The following ZNF555 variants were observed in gnomAD, a reference collection of about 807,000 sequenced individuals.
ZNF555 encodes the protein zinc finger protein 555.
Under a neutral mutation model 14.0 loss-of-function variants are expected in ZNF555, and 10 were observed. The observed-to-expected ratio is 0.72, with a 90% CI of 0.44 to 1.21. The LOEUF (loss-of-function observed/expected upper bound fraction) is 1.21. ZNF555 is among the 50% of genes most tolerant of loss of function. The pLI is 0.00. For missense variants in ZNF555, 747 were observed against 762.0 expected, an observed-to-expected ratio of 0.98 and a Z score of 0.23; for synonymous variants, 277 against 262.4, an observed-to-expected ratio of 1.06 and a Z score of -0.54.
At position 2,852,461 on chromosome 19, in the gene ZNF555, G is replaced by A. The variant is rs760969954; in HGVS notation, c.396G>A (p.Leu132=). 3.7e-6 allele frequency: 6 copies of A among 1,614,032 alleles called. No homozygotes were observed. The highest frequency in any genetic ancestry group is 2.2e-5 in the South Asian group (2 of 91,094). ...EALSQIPHLN[L]YKKIPPGVKQ... ...TCAGCCAGATTCCACATCTTAATCT[G>A]TACAAGAAAATTCCACCTGGAGTAA... Residue 132 remains leucine, a synonymous_variant, in exon 4 of 4, where the codon CTG becomes CTA. Coordinates refer to ENST00000334241, the MANE Select transcript of ZNF555 (RefSeq NM_152791.5).
At position 2,846,402 on chromosome 19, in the gene ZNF555, C is replaced by T. The variant is rs576313496; in HGVS notation, c.4-4185C>T. On this transcript the variant is annotated intron_variant, in intron 1 of 3. Coordinates refer to ENST00000334241, the MANE Select transcript of ZNF555 (RefSeq NM_152791.5). ...TCAGACAGTTCCATCCAAGGTCAAG[C>T]CAGTCCTTCACTGTGGGCAACTGAG... Among the ~76,000 whole-genome samples, 29 of 152,330 alleles carry T rather than the reference C, an allele frequency of 1.9e-4. No homozygotes were observed. The South Asian group carries it at 4.8e-3, about 25-fold the overall frequency.
In ZNF555 at chr19:2,855,624, C is replaced by T. The variant is rs553672916; in HGVS notation, c.*1672C>T. On this transcript the variant is annotated 3_prime_UTR_variant, in exon 4 of 4. Coordinates refer to ENST00000334241, the MANE Select transcript of ZNF555 (RefSeq NM_152791.5). ...GTTGTTTAGAGACTATATTAATTTCCCAGGGCTGCCATAACAAAGTACAAA... is the reference window on the plus strand; with the variant it reads ...GTTGTTTAGAGACTATATTAATTTCTCAGGGCTGCCATAACAAAGTACAAA... 2.6e-5 allele frequency: 4 copies of T among 152,180 alleles called. No individual in the cohort carries two copies. In the South Asian group the frequency reaches 8.3e-4, roughly 32 times the overall value. 9.4% of individuals were successfully genotyped at this position (152,180 alleles called of 1,614,324 possible). A position where few individuals can be genotyped will look rare whatever the true frequency, so the allele number is the denominator to read the frequency against.
intron 1 of ZNF555, among the ~76,000 whole-genome samples, chr19:2,848,253 G>A (rs1453830515): frequency 2.0e-5 from 3 of 151,580 alleles, no homozygotes; most frequent in South Asian, 2.1e-4. Flanking sequence ...CCGGGTTCAC[G>A]CCATTCTCCT....
rs200759543 is a variant in ZNF555, at chr19:2,857,841, CAAAAA to C, written c.*3894_*3898del. 1 of 149,184 alleles carries C rather than the reference CAAAAA, an allele frequency of 6.7e-6. No homozygotes were observed. The highest frequency in any genetic ancestry group is 1.9e-4 in the East Asian group (1 of 5,142). The allele number at this position is 149,184 out of a possible 1,614,324, so 9.2% of individuals were successfully genotyped here. ...TGGGCGACAGAGCAAGACCCTGTCT[CAAAAA>C]AAAAGGAATACAAAACATTCCTGAA... On this transcript the variant is annotated 3_prime_UTR_variant, in exon 4 of 4. Coordinates refer to ENST00000334241, the MANE Select transcript of ZNF555 (RefSeq NM_152791.5).
rs2087534847 is a variant in ZNF555, at chr19:2,841,494, C to T, written c.-79C>T. ...GCCTCTGTCCTAGCCGTGAGTGCCC[C>T]GCCTGCCCCTAGCGGTCCCTGGCGT... On this transcript the variant is annotated 5_prime_UTR_variant, in exon 1 of 4. Coordinates refer to ENST00000334241, the MANE Select transcript of ZNF555 (RefSeq NM_152791.5). 3 of 1,542,464 alleles carry T rather than the reference C, an allele frequency of 1.9e-6. No homozygotes were observed. The highest frequency in any genetic ancestry group is 2.6e-6 in the Non-Finnish European group (3 of 1,142,506).
At chr19:2,849,983 CGT>C in intron 1 of ZNF555, among the ~76,000 whole-genome samples, 1 of 152,278 alleles carries the variant, frequency 6.6e-6, no homozygotes, top group South Asian at 2.1e-4. Context: ...TCTACGTTCT[CGT>C]GTCTTTTTCC....
intron 1 of ZNF555, 88 bp downstream of exon 1, chr19:2,841,663 G>A (rs2144839229): frequency 1.5e-6 from 2 of 1,375,206 alleles, no homozygotes; most frequent in African/African-American, 3.1e-5. Context: ...GCTGAGGGAC[G>A]CGGGGGGCGG....
chr19:2,845,057 G>T (rs755830313), intron 1 of ZNF555, among the ~76,000 whole-genome samples: 3 of 152,126 alleles, frequency 2.0e-5, no homozygotes, highest in Non-Finnish European at 4.4e-5. Context: ...GGCTTCCATT[G>T]AGCTTGTCAC....
intron 1 of ZNF555, among the ~76,000 whole-genome samples, chr19:2,846,466 G>A (rs1314789060): frequency 1.3e-5 from 2 of 152,160 alleles, no homozygotes; most frequent in South Asian, 2.1e-4. Context: ...GATGTTTTTC[G>A]TAGTTCAGGG....
At chr19:2,851,323 T>C in intron 2 of ZNF555, 145 bp from the exon 3 acceptor site, 1 of 562,216 alleles carries the variant, frequency 1.8e-6, no homozygotes, top group East Asian at 3.3e-5. Context: ...ATAATTTTTC[T>C]ATGCTTACTA....
Position 2,854,162 on chromosome 19 carries a change from G to T in ZNF555, c.*210G>T. On this transcript the variant is annotated 3_prime_UTR_variant, in exon 4 of 4. Transcript: ENST00000334241. ...AAGTGTATTTTTAATATGCAAGTAG[G>T]TTCAAGTTTTATTTAATTTCTTAAA... 3.5e-6 allele frequency: 2 copies of T among 572,344 alleles called. No homozygotes were observed. The highest frequency in any genetic ancestry group is 5.9e-6 in the Non-Finnish European group (2 of 336,214). 35.5% of individuals were successfully genotyped at this position (572,344 alleles called of 1,614,324 possible).
At chr19:2,843,003 A>G (rs1193750380) in intron 1 of ZNF555, among the ~76,000 whole-genome samples, 1 of 151,178 alleles carries the variant, frequency 6.6e-6, no homozygotes, top group Non-Finnish European at 1.5e-5. Context: ...AGAACGCGCC[A>G]TTGCACTCCA....
At chr19:2,849,690 G>A (rs2087612690) in intron 1 of ZNF555, among the ~76,000 whole-genome samples, 1 of 150,002 alleles carries the variant, frequency 6.7e-6, no homozygotes, top group African/African-American at 2.5e-5. Context: ...GTTTCACCAT[G>A]TTGGCCAGGC....
chr19:2,844,807 C>G (rs925350314), intron 1 of ZNF555, among the ~76,000 whole-genome samples: 3 of 152,180 alleles, frequency 2.0e-5, no homozygotes, highest in Non-Finnish European at 4.4e-5. Context: ...GCGTCCACCC[C>G]CTAGCCCACT....
In ZNF555 at chr19:2,852,371, C is replaced by T; in HGVS notation, c.315-9C>T. On this transcript the variant is annotated splice_polypyrimidine_tract_variant and intron_variant, in intron 3 of 3. Coordinates refer to ENST00000334241, the MANE Select transcript of ZNF555 (RefSeq NM_152791.5). ...TTAATCAAACCAATAACATGCTTCT[C>T]ATTTTTAGTAGAAATCATGGGTTGG... 1 of 1,613,748 alleles carries T rather than the reference C, an allele frequency of 6.2e-7. No individual in the cohort carries two copies. Among genetic ancestry groups the T allele is most frequent in the Middle Eastern group, 1.6e-4 (1 of 6,062 alleles).
intron 2 of ZNF555, 23 bp from the exon 3 acceptor site, chr19:2,851,445 A>ATTTG: frequency 6.4e-7 from 1 of 1,551,604 alleles, no homozygotes; most frequent in Non-Finnish European, 8.7e-7. Flanking sequence ...TTCTTATATG[A>ATTTG]TTTGTTTACT....
At chr19:2,845,806 C>T (rs1291496128) in intron 1 of ZNF555, among the ~76,000 whole-genome samples, 1 of 146,934 alleles carries the variant, frequency 6.8e-6, no homozygotes, top group East Asian at 1.9e-4. Context: ...TCCCCCGTTA[C>T]TATTTTTTTA....
At position 2,851,568 on chromosome 19, in the gene ZNF555, T is replaced by G. The variant is rs765073541; in HGVS notation, c.231T>G (p.Asn77Lys). The stretch of plus-strand genomic sequence containing the variant: ...CTAAAATAGCCACGTTCACCAGAAA[T>G]GTTTCCTGGGCCTCTGTTTTAGGAA... ...KESKIATFTR[N>K]VSWASVLGKI... Residue 77 changes from asparagine (N) to lysine (K), a missense_variant, in exon 3 of 4, where the codon AAT becomes AAG. Transcript: ENST00000334241. 3.7e-6 allele frequency: 6 copies of G among 1,612,796 alleles called. No individual in the cohort carries two copies. In the African/African-American group the frequency reaches 6.7e-5, roughly 18 times the overall value.
Position 2,853,504 on chromosome 19 carries a change from A to G in ZNF555, c.1439A>G (p.Tyr480Cys). 6.2e-7 allele frequency: 1 copy of G among 1,614,212 alleles called. No individual in the cohort carries two copies. The highest frequency in any genetic ancestry group is 8.5e-7 in the Non-Finnish European group (1 of 1,180,028). ...AGAATGCACCCTGAAGACAAATCCT[A>G]TGAATGCAAGCTATGTGGGAAAGCT... Reference protein sequence around the residue: ...HVRMHPEDKSYECKLCGKAFY... With the variant: ...HVRMHPEDKSCECKLCGKAFY... The change falls in exon 4 of 4, where the codon TAT (tyrosine) becomes TGT (cysteine). Residue 480 changes from tyrosine to cysteine, a missense_variant. By Grantham distance (194) the Tyr-to-Cys change is radical. Coordinates refer to ENST00000334241, the MANE Select transcript of ZNF555 (RefSeq NM_152791.5).
Sources: gnomAD v4.1 joint callset for allele counts (sites outside exome capture counted in the v4.1 genomes callset) on GRCh38, gnomAD v4.1.1 for gene constraint, MANE v1.5 for transcripts, NCBI Gene and HGNC (gene_info 2026-07-23, HGNC 2026-07-21) for gene names.